The following MAGI1 variants were observed in gnomAD, a reference collection of about 807,000 sequenced individuals.
MAGI1 encodes membrane associated guanylate kinase, WW and PDZ domain containing 1.
MAGI1 carries 58 observed loss-of-function variants against 139.9 expected under a neutral mutation model. The observed-to-expected ratio is 0.41, with a 90% CI of 0.34 to 0.52. The LOEUF is 0.52. MAGI1 is among the 20% of genes least tolerant of loss of function. The pLI is 0.12. For missense variants in MAGI1, 1,874 were observed against 1,901.6 expected (o/e 0.99, Z 0.27); for synonymous variants, 812 against 737.9 (o/e 1.10, Z -1.63).
rs1302837795 is a variant in MAGI1 at position 65,727,635 on chromosome 3, TTC to T, written c.314-105549_314-105548del. On this transcript the variant is annotated intron_variant, in intron 1 of 22. Transcript: ENST00000402939. ...AATATATGTGAATGGCCTAAATTAATTCTGTTATTTTACTTCTAAAATATTCC... is the reference window on the plus strand; with the variant it reads ...AATATATGTGAATGGCCTAAATTAATTGTTATTTTACTTCTAAAATATTCC... Among the ~76,000 whole-genome samples the T allele has an allele frequency of 3.3e-5, 5 of 152,344 alleles. No homozygotes were observed. In the East Asian group the frequency reaches 9.6e-4, roughly 29 times the overall value.
intron 1 of MAGI1, among the ~76,000 whole-genome samples, chr3:65,768,952 T>C (rs555896480): frequency 2.6e-5 from 4 of 152,310 alleles, no homozygotes; most frequent in African/African-American, 7.2e-5. Context: ...CACCAGGATT[T>C]TGACAAAGCA....
intron 1 of MAGI1, among the ~76,000 whole-genome samples, chr3:65,791,270 A>C (rs17073807): frequency 0.048 from 7,344 of 152,196 alleles, 303 homozygotes; most frequent in African/African-American, 0.11. Flanking sequence ...TCGAAGCTGA[A>C]AAACCCAAGA....
intron 18 of MAGI1, among the ~76,000 whole-genome samples, chr3:65,370,856 T>C (rs1941917015): frequency 6.6e-6 from 1 of 152,210 alleles, no homozygotes; most frequent in South Asian, 2.1e-4. Flanking sequence ...GACGTCTCGC[T>C]ATGTTGCCCA....
At chr3:65,996,839 C>A (rs913300567) in intron 1 of MAGI1, among the ~76,000 whole-genome samples, 1 of 152,174 alleles carries the variant, frequency 6.6e-6, no homozygotes, top group African/African-American at 2.4e-5. Flanking sequence ...AACTGAAGGC[C>A]CCGGGCGGCC....
chr3:65,771,795 T>C (rs1281938287), intron 1 of MAGI1, among the ~76,000 whole-genome samples: 2 of 152,226 alleles, frequency 1.3e-5, no homozygotes, highest in Non-Finnish European at 2.9e-5. Context: ...CAGTGCTGTA[T>C]GGAGCATGCT....
rs188157722 is a variant in MAGI1, at chr3:65,460,001, G to C, written c.960-6661C>G. Among the ~76,000 whole-genome samples the C allele has an allele frequency of 1.8e-3, 270 of 152,294 alleles. 1 individual carries two copies. The highest frequency in any genetic ancestry group is 6.7e-3 in the Admixed American group (103 of 15,296). On this transcript the variant is annotated intron_variant, in intron 5 of 22. Transcript: ENST00000402939. Reference sequence around the variant, plus strand: ...GCTTGTTTTCACACTTGCAGGGAAGGCATTTCATCTTTTCACTATTAAGTA... The same window carrying C: ...GCTTGTTTTCACACTTGCAGGGAAGCCATTTCATCTTTTCACTATTAAGTA...
At chr3:65,699,377 T>G (rs34310234) in intron 1 of MAGI1, among the ~76,000 whole-genome samples, 58,620 of 142,814 alleles carry the variant, frequency 0.41, 12,726 homozygotes, top group African/African-American at 0.54. Flanking sequence ...CCATTGCTGG[T>G]TATATACCCA....
chr3:65,931,513 A>G (rs1432431290), intron 1 of MAGI1, among the ~76,000 whole-genome samples: 1 of 152,186 alleles, frequency 6.6e-6, no homozygotes, highest in African/African-American at 2.4e-5. Flanking sequence ...AAAAAATACA[A>G]AAATTAGCCA....
At chr3:66,034,173 C>T (rs897934015) in intron 1 of MAGI1, among the ~76,000 whole-genome samples, 4 of 152,028 alleles carry the variant, frequency 2.6e-5, no homozygotes, top group African/African-American at 9.7e-5. Flanking sequence ...ACCCCATCCC[C>T]CGCAAAGCTT....
intron 2 of MAGI1, among the ~76,000 whole-genome samples, chr3:65,544,472 T>C (rs190298709): frequency 1.3e-3 from 199 of 152,306 alleles, no homozygotes; most frequent in Non-Finnish European, 2.1e-3. Context: ...TTCAAAGTAG[T>C]AGGGCTTTGT....
intron 1 of MAGI1, among the ~76,000 whole-genome samples, chr3:65,969,735 T>C (rs1400170256): frequency 6.6e-6 from 1 of 152,254 alleles, no homozygotes; most frequent in Non-Finnish European, 1.5e-5. Flanking sequence ...CATCATGTGC[T>C]GTCCAAAACA....
At chr3:65,726,721 C>T (rs9873382) in intron 1 of MAGI1, among the ~76,000 whole-genome samples, 51,384 of 151,900 alleles carry the variant, frequency 0.34, 9,843 homozygotes, top group African/African-American at 0.5. Flanking sequence ...GAAACACTGA[C>T]GCCCTCAGCT....
intron 5 of MAGI1, among the ~76,000 whole-genome samples, chr3:65,466,161 C>T (rs1575860094): frequency 6.6e-6 from 1 of 152,172 alleles, no homozygotes; most frequent in Admixed American, 6.5e-5. Flanking sequence ...CATGGTATAA[C>T]TGCTTGCTGA....
At chr3:65,690,237 T>C (rs1277276567) in intron 1 of MAGI1, among the ~76,000 whole-genome samples, 1 of 152,094 alleles carries the variant, frequency 6.6e-6, no homozygotes, top group Non-Finnish European at 1.5e-5. Flanking sequence ...TCCTTGAGAA[T>C]CAAATGAATA....
chr3:65,509,329 G>T (rs763148134), intron 2 of MAGI1, among the ~76,000 whole-genome samples: 2 of 152,158 alleles, frequency 1.3e-5, no homozygotes, highest in Non-Finnish European at 2.9e-5. Flanking sequence ...GAACAGCTCC[G>T]GTCTACAGCT....
intron 1 of MAGI1, among the ~76,000 whole-genome samples, chr3:65,929,403 C>T (rs994933550): frequency 6.6e-6 from 1 of 151,408 alleles, no homozygotes; most frequent in African/African-American, 2.4e-5. Context: ...TGCAGTGGCG[C>T]GATCTCAGCT....
chr3:65,461,511 CAG>C (rs1949792834), intron 5 of MAGI1, among the ~76,000 whole-genome samples: 1 of 102,692 alleles, frequency 9.7e-6, no homozygotes, highest in Non-Finnish European at 1.9e-5. Context: ...TTTTTTAAGA[CAG>C]AGTCTCACTC....
At chr3:65,553,655 A>G (rs1273976844) in intron 2 of MAGI1, among the ~76,000 whole-genome samples, 1 of 152,212 alleles carries the variant, frequency 6.6e-6, no homozygotes, top group Non-Finnish European at 1.5e-5. Flanking sequence ...AAATGAATAA[A>G]TAAGAGTCCA....
intron 2 of MAGI1, among the ~76,000 whole-genome samples, chr3:65,530,706 T>TACACATATAC (rs2078630358): frequency 7.1e-6 from 1 of 141,622 alleles, no homozygotes; most frequent in Non-Finnish European, 1.5e-5. Context: ...TATACACATA[T>TACACATATAC]ACACGTGTAT....
Sources: gnomAD v4.1 joint callset for allele counts (sites outside exome capture counted in the v4.1 genomes callset) on GRCh38, gnomAD v4.1.1 for gene constraint, MANE v1.5 for transcripts, NCBI Gene and HGNC (gene_info 2026-07-23, HGNC 2026-07-21) for gene names.